The following MLLT6 variants were observed in gnomAD, a reference collection of about 807,000 sequenced individuals.
MLLT6 encodes the protein protein AF-17.
MLLT6 carries 22 observed loss-of-function variants against 103.0 expected under a neutral mutation model. The ratio of observed to expected loss-of-function variants is 0.21; its 90% CI spans 0.15 to 0.31. The LOEUF is 0.31. Among genes scored for constraint, MLLT6 ranks in the 10% least tolerant of loss-of-function variants. MLLT6 has a pLI of 1.00. For synonymous variants in MLLT6, 606 were observed against 623.5 expected (o/e 0.97, Z 0.42); for missense variants, 1,199 against 1,441.7 (o/e 0.83, Z 2.73).
chr17:38,718,924 G>A (rs578147309), intron 12 of MLLT6: 1 of 156,542 alleles, frequency 6.4e-6, no homozygotes, highest in East Asian at 1.7e-4. Context: ...GAACGACAGA[G>A]TAGGGTGATA....
chr17:38,711,253 C>T (rs114969313), intron 6 of MLLT6, among the ~76,000 whole-genome samples: 390 of 152,154 alleles, frequency 2.6e-3, no homozygotes, highest in African/African-American at 8.6e-3. Flanking sequence ...TGGGAGGAGA[C>T]GCAGCATGTG....
At chr17:38,725,381 G>A (rs1905970193) in intron 19 of MLLT6, 176 bp from the exon 20 acceptor site, 2 of 614,276 alleles carry the variant, frequency 3.3e-6, no homozygotes, top group South Asian at 4.1e-5. Flanking sequence ...CTGCAGGGTG[G>A]TTTCACACCC....
intron 14 of MLLT6, 55 bp from the exon 15 acceptor site, chr17:38,720,317 C>CA: frequency 1.3e-6 from 1 of 776,616 alleles, no homozygotes; most frequent in Non-Finnish European, 2.1e-6. Context: ...CCCCGGTCCC[C>CA]TGGCCCCGCC....
chr17:38,715,746 G>C lies in MLLT6; in HGVS notation c.954G>C (p.Gly318=). The change falls in exon 9 of 20, where the codon GGG becomes GGC. Residue 318 remains glycine (G), a synonymous_variant. Transcript: ENST00000621332. ...ATAAAGGGAAGAAACTGAGCAGTGGGAAAGGTGTGAGCAGTTTTACCTCCG... is the reference window on the plus strand; with the variant it reads ...ATAAAGGGAAGAAACTGAGCAGTGGCAAAGGTGTGAGCAGTTTTACCTCCG... ...LSHKGKKLSS[G]KGVSSFTSAS... 1 of 1,614,136 alleles carries C rather than the reference G, an allele frequency of 6.2e-7. No homozygotes were observed. The highest frequency in any genetic ancestry group is 8.5e-7 in the Non-Finnish European group (1 of 1,180,002).
rs1376016294 is a variant in MLLT6 at position 38,720,026 on chromosome 17, G to A, written c.2155+131G>A. The A allele has an allele frequency of 6.3e-6, 8 of 1,271,998 alleles. No homozygotes were observed. The African/African-American group carries it at 9.1e-5, about 14-fold the overall frequency. 78.8% of individuals were successfully genotyped at this position (1,271,998 alleles called of 1,614,324 possible). ...CCCAGCCTTGACTCTCGGCCACCCC[G>A]GGCCTCACCTCCCATCCCTGCCAGG... On this transcript the variant is annotated intron_variant, in intron 14 of 19. Coordinates refer to ENST00000621332, the MANE Select transcript of MLLT6 (RefSeq NM_005937.4).
chr17:38,709,697 C>A lies in MLLT6; in HGVS notation c.552+122C>A, dbSNP rs1035189994. On this transcript the variant is annotated intron_variant, in intron 6 of 19. Coordinates refer to ENST00000621332, the MANE Select transcript of MLLT6 (RefSeq NM_005937.4). The surrounding 1 kb of genome is among the most constrained non-coding windows in gnomAD (Gnocchi z 4.3). Reference sequence around the variant, plus strand: ...AGGACAGAGAGGGAAAAAACCCAGTCCCTGCCCAAGAGGAGCTCTTCATTC... The same window carrying A: ...AGGACAGAGAGGGAAAAAACCCAGTACCTGCCCAAGAGGAGCTCTTCATTC... 6 of 727,716 alleles carry A rather than the reference C, an allele frequency of 8.2e-6. No homozygotes were observed. The African/African-American group carries it at 1.0e-4, about 13-fold the overall frequency. The allele number at this position is 727,716 out of a possible 1,614,324, so 45.1% of individuals were successfully genotyped here.
At position 38,728,234 on chromosome 17, in the gene MLLT6, CAATGGG is replaced by C. The variant is rs1261665554; in HGVS notation, c.*2639_*2644del. On this transcript the variant is annotated 3_prime_UTR_variant, in exon 20 of 20. Coordinates refer to ENST00000621332, the MANE Select transcript of MLLT6 (RefSeq NM_005937.4). ...GTGGCATTTCCTTCTCAGGGAGCTT[CAATGGG>C]AAAGGTCTCGAAAGCTTCAGGAGGA... The C allele has an allele frequency of 8.6e-6, 2 of 233,226 alleles. No individual in the cohort carries two copies. Among genetic ancestry groups the C allele is most frequent in the Non-Finnish European group, 1.7e-5 (2 of 118,118 alleles). 14.4% of individuals were successfully genotyped at this position (233,226 alleles called of 1,614,324 possible). A position where few individuals can be genotyped will look rare whatever the true frequency, so the allele number is the denominator to read the frequency against.
chr17:38,719,079 G>A (rs1905522889), intron 12 of MLLT6: 2 of 230,690 alleles, frequency 8.7e-6, no homozygotes, highest in Non-Finnish European at 1.7e-5. Flanking sequence ...CTACATGCTA[G>A]CTAAACCCTT....
chr17:38,715,785 C>G lies in MLLT6; in HGVS notation c.993C>G (p.Ser331=), dbSNP rs757975646. 5.0e-6 allele frequency: 8 copies of G among 1,610,632 alleles called. No homozygotes were observed. In the African/African-American group the frequency reaches 8.0e-5, roughly 16 times the overall value. ...VSSFTSASSS[S]SSSSSSSGGP... is the part of the protein sequence containing the mutation. ...GTTTTACCTCCGCCTCCTCTTCTTC[C>G]TCCTCCTCTTCCTCCTCCTCTGGGG... The change falls in exon 9 of 20, where the codon TCC becomes TCG. Residue 331 remains serine (S), a synonymous_variant. Coordinates refer to ENST00000621332, the MANE Select transcript of MLLT6 (RefSeq NM_005937.4).
intron 10 of MLLT6, 115 bp from the exon 11 acceptor site, chr17:38,717,317 A>G: frequency 1.2e-6 from 1 of 845,652 alleles, no homozygotes; most frequent in South Asian, 1.7e-5. Flanking sequence ...AGACTGGGGC[A>G]TGTAGCCAGA....
intron 19 of MLLT6, 151 bp downstream of exon 19, chr17:38,725,127 C>T: frequency 1.6e-6 from 1 of 608,094 alleles, no homozygotes; most frequent in East Asian, 2.9e-5. Context: ...AGGGCCTCTG[C>T]TTGCACATGG....
rs759802060 is a variant in MLLT6, at chr17:38,720,430, G to A, written c.2214G>A (p.Glu738=). The A allele has an allele frequency of 1.2e-6, 2 of 1,612,830 alleles. No homozygotes were observed. The highest frequency in any genetic ancestry group is 4.5e-5 in the East Asian group (2 of 44,872). ...AGAAGGAGAACCAGCGGCTGCAAGA[G>A]CAGATCCTGAGCCTGACGGCCAAAA... ...ALQKENQRLQ[E]QILSLTAKKE... Residue 738 remains glutamate (E), a synonymous_variant, in exon 15 of 20, where the codon GAG becomes GAA. Coordinates refer to ENST00000621332, the MANE Select transcript of MLLT6 (RefSeq NM_005937.4).
At position 38,711,891 on chromosome 17, in the gene MLLT6, A is replaced by G. The variant is rs1033261671; in HGVS notation, c.597A>G (p.Gly199=). ...HSSGGGGGGA[G]GGGGSMGGGG... ...GCGGGGGAGGCGGAGGAGGCGCTGG[A>G]GGAGGAGGTGGCAGCATGGGGGGAG... The change falls in exon 7 of 20, where the codon GGA becomes GGG. Residue 199 remains glycine, a synonymous_variant. Coordinates refer to ENST00000621332, the MANE Select transcript of MLLT6 (RefSeq NM_005937.4). 5 of 1,601,904 alleles carry G rather than the reference A, an allele frequency of 3.1e-6. No individual in the cohort carries two copies. The African/African-American group carries it at 5.4e-5, about 17-fold the overall frequency.
intron 8 of MLLT6, chr17:38,715,217 C>CG: frequency 5.8e-6 from 1 of 173,018 alleles, no homozygotes; most frequent in South Asian, 1.6e-4. Flanking sequence ...TCCTGTGGGT[C>CG]CTCTTCTCTG....
chr17:38,706,856 T>C (rs1356225633), intron 1 of MLLT6, 94 bp from the exon 2 acceptor site: 4 of 1,042,516 alleles, frequency 3.8e-6, no homozygotes, highest in Non-Finnish European at 5.7e-6. Flanking sequence ...TGGAACTGGC[T>C]CTAGTCCTTT....
chr17:38,712,946 C>T (rs746146060), intron 8 of MLLT6, 157 bp downstream of exon 8: 2 of 756,728 alleles, frequency 2.6e-6, no homozygotes, highest in South Asian at 1.4e-5. Context: ...TCTACTCCTT[C>T]TTCCAGCCTA....
chr17:38,709,664 G>C lies in MLLT6; in HGVS notation c.552+89G>C, dbSNP rs112475097. The C allele has an allele frequency of 2.0e-3, 1,955 of 996,428 alleles. 10 individuals carry two copies. Among genetic ancestry groups the C allele is most frequent in the Non-Finnish European group, 2.7e-3 (1,732 of 633,728 alleles). 61.7% of individuals were successfully genotyped at this position (996,428 alleles called of 1,614,324 possible). A position where few individuals can be genotyped will look rare whatever the true frequency, so the allele number is the denominator to read the frequency against. On this transcript the variant is annotated intron_variant, in intron 6 of 19. Transcript: ENST00000621332. The surrounding 1 kb of genome is among the most constrained non-coding windows in gnomAD (Gnocchi z 4.3). Reference sequence around the variant, plus strand: ...GGGCTCTGGGCCAGGCCAGTGCCTGGTGCTAGGAGGACAGAGAGGGAAAAA... The same window carrying C: ...GGGCTCTGGGCCAGGCCAGTGCCTGCTGCTAGGAGGACAGAGAGGGAAAAA...
chr17:38,718,847 C>CG (rs1833491116), intron 12 of MLLT6: 1 of 152,234 alleles, frequency 6.6e-6, no homozygotes, highest in African/African-American at 2.4e-5. Flanking sequence ...GGCTGGGAGG[C>CG]GGGGCCTACA....
At chr17:38,712,627 T>G in intron 7 of MLLT6, 64 bp from the exon 8 acceptor site, 1 of 1,060,118 alleles carries the variant, frequency 9.4e-7, no homozygotes, top group East Asian at 2.4e-5. Context: ...CATACCCACA[T>G]GTCATGTTTG....
Sources: gnomAD v4.1 joint callset for allele counts (sites outside exome capture counted in the v4.1 genomes callset) on GRCh38, gnomAD v4.1.1 for gene constraint, Gnocchi (gnomAD v3.1) non-coding constraint, MANE v1.5 for transcripts, NCBI Gene and HGNC (gene_info 2026-07-23, HGNC 2026-07-21) for gene names.